VASP: variants seen among roughly 807,000 people sequenced by gnomAD.
The protein encoded by VASP is vasodilator-stimulated phosphoprotein.
A neutral mutation model predicts 54.4 loss-of-function variants in VASP; 27 were observed. The ratio of observed to expected loss-of-function variants is 0.50; its 90% CI spans 0.37 to 0.68. The LOEUF (loss-of-function observed/expected upper bound fraction) is 0.68. Ranked by LOEUF, VASP falls within the 30% of genes least tolerant of loss-of-function variation. VASP has a pLI of 0.00. For synonymous variants in VASP, 233 were observed against 209.8 expected (o/e 1.11, Z -0.96); for missense variants, 488 against 528.3 (o/e 0.92, Z 0.75).
chr19:45,523,902 A>C, intron 9 of VASP, 25 bp downstream of exon 9: 2 of 1,613,774 alleles, frequency 1.2e-6, no homozygotes, highest in Non-Finnish European at 1.7e-6. Context: ...CAGTCCAGCC[A>C]CAGGAACTAC....
intron 1 of VASP, among the ~76,000 whole-genome samples, chr19:45,512,059 A>AT (rs1968609326): frequency 6.6e-6 from 1 of 152,124 alleles, no homozygotes; most frequent in East Asian, 1.9e-4. Flanking sequence ...CTGAGGCAGG[A>AT]GAATTGCTTG....
chr19:45,521,256 G>A, intron 3 of VASP, 66 bp from the exon 4 acceptor site: 3 of 1,464,858 alleles, frequency 2.0e-6, no homozygotes, highest in Non-Finnish European at 2.8e-6. Flanking sequence ...GGGAGAGCAA[G>A]GGAAGCGCCA....
intron 10 of VASP, 158 bp from the exon 11 acceptor site, chr19:45,524,412 C>G (rs1857731708): frequency 1.4e-6 from 1 of 719,124 alleles, no homozygotes; most frequent in South Asian, 1.8e-5. Flanking sequence ...CAAAACACAA[C>G]AAACCAAAAC....
intron 3 of VASP, among the ~76,000 whole-genome samples, chr19:45,518,627 A>C: frequency 6.6e-6 from 1 of 152,278 alleles, no homozygotes; most frequent in East Asian, 1.9e-4. Flanking sequence ...AACTTTACAC[A>C]GGCACACTCC....
chr19:45,520,559 T>C (rs940460894), intron 3 of VASP, among the ~76,000 whole-genome samples: 2 of 152,222 alleles, frequency 1.3e-5, no homozygotes, highest in Non-Finnish European at 2.9e-5. Flanking sequence ...TGTTAATTCG[T>C]AGCCAATTCA....
chr19:45,518,182 T>A, intron 3 of VASP, 88 bp downstream of exon 3: 1 of 1,498,826 alleles, frequency 6.7e-7, no homozygotes, highest in South Asian at 1.3e-5. Context: ...CTTGGTTTAC[T>A]CGTCGGTAAA....
chr19:45,509,689 AG>A (rs1024029033), intron 1 of VASP, among the ~76,000 whole-genome samples: 23 of 152,312 alleles, frequency 1.5e-4, no homozygotes, highest in African/African-American at 5.5e-4. Context: ...CCACCTTTCC[AG>A]GGGGTCTCCC....
chr19:45,513,990 GAGAC>G (rs1968652670), intron 1 of VASP, among the ~76,000 whole-genome samples: 1 of 152,216 alleles, frequency 6.6e-6, no homozygotes. Flanking sequence ...TTTGGCAGCG[GAGAC>G]AGACAAATAT....
At chr19:45,513,468 CTTTTTTT>C (rs71173173) in intron 1 of VASP, among the ~76,000 whole-genome samples, 6,453 of 93,028 alleles carry the variant, frequency 0.069, 247 homozygotes, top group East Asian at 0.18. Context: ...AGTCTCTCTC[CTTTTTTT>C]TTTTTTTTTT....
chr19:45,512,702 T>C (rs921859622), intron 1 of VASP, among the ~76,000 whole-genome samples: 4 of 151,702 alleles, frequency 2.6e-5, no homozygotes, highest in African/African-American at 7.3e-5. Context: ...TGGGTTCACG[T>C]GATTCTCCTG....
intron 1 of VASP, among the ~76,000 whole-genome samples, chr19:45,511,242 G>A (rs1003632808): frequency 1.3e-4 from 19 of 151,874 alleles, no homozygotes; most frequent in Non-Finnish European, 2.7e-4. Flanking sequence ...GACAGTGAAG[G>A]GAAGGGTAAG....
At chr19:45,520,692 G>A (rs1045744515) in intron 3 of VASP, among the ~76,000 whole-genome samples, 1 of 152,142 alleles carries the variant, frequency 6.6e-6, no homozygotes, top group African/African-American at 2.4e-5. Flanking sequence ...GGCCAGGTGC[G>A]GTGGCTCACG....
In VASP at chr19:45,517,915, T is replaced by A; in HGVS notation, c.178-14T>A. 4 of 1,608,840 alleles carry A rather than the reference T, an allele frequency of 2.5e-6. No individual in the cohort carries two copies. The highest frequency in any genetic ancestry group is 3.4e-6 in the Non-Finnish European group (4 of 1,177,858). On this transcript the variant is annotated splice_polypyrimidine_tract_variant and intron_variant, in intron 2 of 12. Transcript: ENST00000245932. ...GCGCCCGCCGCCCCTCACCCCCCTT[T>A]CCCCTCCCACCAGGTGGTCATCAAC...
chr19:45,518,389 T>G (rs1968755209), intron 3 of VASP, among the ~76,000 whole-genome samples: 1 of 151,960 alleles, frequency 6.6e-6, no homozygotes, highest in Non-Finnish European at 1.5e-5. Flanking sequence ...ATGGTGAAAT[T>G]GCGTCTCTAT....
At chr19:45,511,009 T>C (rs1050857645) in intron 1 of VASP, among the ~76,000 whole-genome samples, 6 of 150,726 alleles carry the variant, frequency 4.0e-5, no homozygotes, top group African/African-American at 1.2e-4. Flanking sequence ...AGGAACGTGC[T>C]TTCACTGTGA....
chr19:45,514,497 A>G (rs538361582), intron 1 of VASP, among the ~76,000 whole-genome samples: 3 of 152,288 alleles, frequency 2.0e-5, no homozygotes, highest in African/African-American at 7.2e-5. Context: ...CTGGGATTAC[A>G]GGCATGAGCC....
Position 45,507,524 on chromosome 19 carries a change from C to T in VASP, c.-248C>T. Reference sequence around the variant, plus strand: ...GTAGCCGCCACCGGCAAGGGGTGCGCGCTGGGGAGCGGACGCTGCATCCCC... The same window carrying T: ...GTAGCCGCCACCGGCAAGGGGTGCGTGCTGGGGAGCGGACGCTGCATCCCC... On this transcript the variant is annotated 5_prime_UTR_variant, in exon 1 of 13. Transcript: ENST00000245932. The surrounding 1 kb of genome is among the most constrained non-coding windows in gnomAD (Gnocchi z 4.4). 2.0e-6 allele frequency: 1 copy of T among 508,680 alleles called. No individual in the cohort carries two copies. The highest frequency in any genetic ancestry group is 3.5e-6 in the Non-Finnish European group (1 of 288,594). 31.5% of individuals were successfully genotyped at this position (508,680 alleles called of 1,614,324 possible). A position where few individuals can be genotyped will look rare whatever the true frequency, so the allele number is the denominator to read the frequency against.
intron 1 of VASP, among the ~76,000 whole-genome samples, chr19:45,513,713 C>T (rs746918393): frequency 1.9e-4 from 29 of 152,004 alleles, no homozygotes; most frequent in Non-Finnish European, 3.5e-4. Flanking sequence ...AGAGATCCAC[C>T]TGCTTTGGCC....
chr19:45,515,678 A>G (rs1382519234), intron 1 of VASP, among the ~76,000 whole-genome samples: 2 of 152,178 alleles, frequency 1.3e-5, no homozygotes, highest in Non-Finnish European at 2.9e-5. Flanking sequence ...CTCAGACTAC[A>G]GGTGCACACC....
Sources: allele counts gnomAD v4.1 joint callset (sites outside exome capture counted in the v4.1 genomes callset), GRCh38; gene constraint gnomAD v4.1.1; non-coding constraint Gnocchi (gnomAD v3.1); transcripts MANE v1.5; gene names NCBI Gene and HGNC (gene_info 2026-07-23, HGNC 2026-07-21).